ALDH3B2: variants seen among roughly 807,000 people sequenced by gnomAD.
ALDH3B2 encodes the protein aldehyde dehydrogenase family 3 member B2.
ALDH3B2 carries 45 observed loss-of-function variants against 36.7 expected under a neutral mutation model. The observed-to-expected ratio is 1.23, with a 90% CI of 0.97 to 1.57. The LOEUF is 1.57. Ranked by LOEUF, ALDH3B2 falls within the 40% of genes most tolerant of loss-of-function variation. The pLI, the probability that ALDH3B2 is intolerant of heterozygous loss-of-function variation, is 0.00. For missense variants in ALDH3B2, 464 were observed against 513.3 expected (o/e 0.90, Z 0.93); for synonymous variants, 217 against 226.5 (o/e 0.96, Z 0.38).
chr11:67,666,432 G>A (rs772349658), intron 4 of ALDH3B2, 31 bp from the exon 5 acceptor site: 2 of 1,607,356 alleles, frequency 1.2e-6, no homozygotes. Context: ...GTCGTTGGGG[G>A]AGCCCAGGGT....
At chr11:67,673,841 C>T (rs1362940369) in intron 1 of ALDH3B2, 1 of 150,200 alleles carries the variant, frequency 6.7e-6, no homozygotes, top group Admixed American at 6.6e-5. Flanking sequence ...CTCACACCAG[C>T]CTTGTGACAC....
chr11:67,662,475 G>A (rs369305675), exon 10 of ALDH3B2: 2 of 152,366 alleles, frequency 1.3e-5, no homozygotes, highest in Non-Finnish European at 2.9e-5. Context: ...GATAAATCCT[G>A]TTACGGGCAT....
intron 9 of ALDH3B2, 49 bp from the exon 10 acceptor site, chr11:67,663,448 C>T (rs1422784492): frequency 5.1e-6 from 8 of 1,574,724 alleles, no homozygotes; most frequent in Non-Finnish European, 6.0e-6. Context: ...GCCCATGGAG[C>T]CCCAGCAGCA....
chr11:67,666,452 C>T, intron 4 of ALDH3B2, 51 bp from the exon 5 acceptor site: 2 of 1,604,664 alleles, frequency 1.2e-6, no homozygotes, highest in Non-Finnish European at 1.7e-6. Flanking sequence ...TCCCCATGCC[C>T]AACCAGGGGC....
rs1855848061 is a variant in ALDH3B2 at position 67,664,655 on chromosome 11, C to T, written c.707-93G>A. The T allele has an allele frequency of 3.3e-6, 5 of 1,509,698 alleles. No individual in the cohort carries two copies. The South Asian group carries it at 6.2e-5, about 19-fold the overall frequency. 93.5% of individuals were successfully genotyped at this position (1,509,698 alleles called of 1,614,324 possible). A position where few individuals can be genotyped will look rare whatever the true frequency, so the allele number is the denominator to read the frequency against. Reference sequence around the variant, plus strand: ...GTGGGGACAGGGGCATGGGCCAGGGCTCCAGGCCAGGATCCCAAGGTCTGA... The same window carrying T: ...GTGGGGACAGGGGCATGGGCCAGGGTTCCAGGCCAGGATCCCAAGGTCTGA... On this transcript the variant is annotated intron_variant, in intron 7 of 9. Coordinates refer to ENST00000349015, the Ensembl canonical transcript of ALDH3B2.
At chr11:67,668,310 T>A (rs1389418842) in intron 1 of ALDH3B2, among the ~76,000 whole-genome samples, 1 of 152,056 alleles carries the variant, frequency 6.6e-6, no homozygotes, top group East Asian at 1.9e-4. Flanking sequence ...GGGGGTAGGT[T>A]GGCAGAGCTG....
intron 1 of ALDH3B2, among the ~76,000 whole-genome samples, chr11:67,680,171 G>A (rs1449644682): frequency 2.0e-5 from 3 of 152,070 alleles, no homozygotes; most frequent in South Asian, 2.1e-4. Context: ...AAAATTAGCC[G>A]GGCGTGGTGA....
chr11:67,669,464 CTGTG>C (rs1167007319), intron 1 of ALDH3B2, among the ~76,000 whole-genome samples: 14 of 81,470 alleles, frequency 1.7e-4, no homozygotes, highest in African/African-American at 5.7e-4. Flanking sequence ...GTATGGATGT[CTGTG>C]TGTGTATGGG....
At chr11:67,666,721 C>A in intron 3 of ALDH3B2, 27 bp from the exon 4 acceptor site, 1 of 1,613,384 alleles carries the variant, frequency 6.2e-7, no homozygotes, top group South Asian at 1.1e-5. Context: ...ACAGTGAGGC[C>A]CTGCCAAGGG....
chr11:67,665,161 A>G (rs1855860662), intron 7 of ALDH3B2, 124 bp downstream of exon 7: 3 of 1,483,446 alleles, frequency 2.0e-6, no homozygotes, highest in East Asian at 4.6e-5. Context: ...GCCATGGCTC[A>G]AGGCCGGGCT....
intron 1 of ALDH3B2, among the ~76,000 whole-genome samples, chr11:67,669,642 G>A (rs953977112): frequency 1.8e-4 from 27 of 151,014 alleles, no homozygotes; most frequent in Non-Finnish European, 2.8e-4. Context: ...GGGTGTGTGT[G>A]TCCATGTGTG....
At chr11:67,667,055 C>T (rs1257802077) in intron 2 of ALDH3B2, 39 bp from the exon 3 acceptor site, 3 of 1,272,682 alleles carry the variant, frequency 2.4e-6, no homozygotes, top group East Asian at 2.4e-5. Flanking sequence ...CAGGCCCAGA[C>T]CTGGGCCAGG....
At position 67,663,358 on chromosome 11, in the gene ALDH3B2, C is replaced by T. The variant is rs751103684; in HGVS notation, c.1015G>A (p.Asp339Asn). The T allele has an allele frequency of 3.7e-6, 6 of 1,613,866 alleles. No homozygotes were observed. The East Asian group carries it at 6.7e-5, about 18-fold the overall frequency. The change falls in exon 10 of 10, where the codon GAC (aspartate) becomes AAC (asparagine). Residue 339 changes from aspartate to asparagine, a missense_variant. Physicochemically the swap from Asp to Asn is conservative, Grantham distance 23. Coordinates refer to ENST00000349015, the Ensembl canonical transcript of ALDH3B2. ...CAGGTGCGGTGGTGGGAGAAGGTGT[C>T]GAAGGTGAACTTGCCGTGGTACCGG...
At chr11:67,680,655 G>C (rs1232319729) in intron 1 of ALDH3B2, among the ~76,000 whole-genome samples, 1 of 152,160 alleles carries the variant, frequency 6.6e-6, no homozygotes, top group African/African-American at 2.4e-5. Flanking sequence ...GGGCTCAAGT[G>C]ATCCACCTGC....
rs747096193 is a variant in ALDH3B2, at chr11:67,663,395, G to A, written c.978C>T (p.His326=). 6.2e-6 allele frequency: 10 copies of A among 1,609,522 alleles called. No individual in the cohort carries two copies. The South Asian group carries it at 1.1e-4, about 18-fold the overall frequency. ...TGCCGTGGTACCGGCCCATCCCACTGTGGCCTGTGTGGGCACAGAGAACAA... is the reference window on the plus strand; with the variant it reads ...TGCCGTGGTACCGGCCCATCCCACTATGGCCTGTGTGGGCACAGAGAACAA... Residue 326 remains histidine (H), a synonymous_variant, in exon 10 of 10, where the codon CAC becomes CAT. Transcript: ENST00000349015.
chr11:67,671,547 C>CTTTTTTTTTTTT (rs1856113566), intron 1 of ALDH3B2, among the ~76,000 whole-genome samples: 1 of 97,660 alleles, frequency 1.0e-5, no homozygotes. Flanking sequence ...GCCTCCCCCC[C>CTTTTTTTTTTTT]CTTTTTTTTT....
chr11:67,667,453 G>A lies in ALDH3B2; in HGVS notation c.-82+20C>T. The A allele has an allele frequency of 2.7e-6, 1 of 367,618 alleles. No individual in the cohort carries two copies. 22.8% of individuals were successfully genotyped at this position (367,618 alleles called of 1,614,324 possible). ...GGACGCTGCTCCAGCCCCTGCCGGGGCCCACTCTCCACGGCCCACCTTATG... is the reference window on the plus strand; with the variant it reads ...GGACGCTGCTCCAGCCCCTGCCGGGACCCACTCTCCACGGCCCACCTTATG... On this transcript the variant is annotated intron_variant, in intron 2 of 9. Transcript: ENST00000349015.
chr11:67,664,966 A>G (rs1444760757), intron 7 of ALDH3B2, among the ~76,000 whole-genome samples: 1 of 152,184 alleles, frequency 6.6e-6, no homozygotes, highest in African/African-American at 2.4e-5. Context: ...CCTGGGGATC[A>G]TGGGCTCGGA....
chr11:67,672,626 T>A (rs1337658762), intron 1 of ALDH3B2, among the ~76,000 whole-genome samples: 1 of 151,676 alleles, frequency 6.6e-6, no homozygotes, highest in Non-Finnish European at 1.5e-5. Flanking sequence ...TCTCATTCTG[T>A]CACCCAGGCT....
Sources: gnomAD v4.1 joint callset for allele counts (sites outside exome capture counted in the v4.1 genomes callset) on GRCh38, gnomAD v4.1.1 for gene constraint, MANE v1.5 for transcripts, NCBI Gene and HGNC (gene_info 2026-07-23, HGNC 2026-07-21) for gene names.